The following SPECC1 variants were observed in gnomAD, a reference collection of about 807,000 sequenced individuals.
The protein encoded by SPECC1 is sperm antigen with calponin homology and coiled-coil domains 1.
SPECC1 carries 62 observed loss-of-function variants against 104.1 expected under a neutral mutation model. That is an observed-to-expected ratio of 0.60 (90% CI 0.49 to 0.74). The LOEUF (loss-of-function observed/expected upper bound fraction) is 0.74. SPECC1 is among the 30% of genes least tolerant of loss of function. The pLI, the probability that SPECC1 is intolerant of heterozygous loss-of-function variation, is 0.00. For synonymous variants in SPECC1, 513 were observed against 501.6 expected, an observed-to-expected ratio of 1.02 and a Z score of -0.30; for missense variants, 1,306 against 1,310.5, an observed-to-expected ratio of 1.00 and a Z score of 0.05.
At chr17:20,124,254 G>A (rs186210030) in intron 3 of SPECC1, among the ~76,000 whole-genome samples, 55 of 152,266 alleles carry the variant, frequency 3.6e-4, no homozygotes, top group Non-Finnish European at 7.1e-4. Flanking sequence ...GGGAACAGAC[G>A]GGGGGAAGCA....
At chr17:20,308,805 T>C (rs1388508513) in intron 14 of SPECC1, among the ~76,000 whole-genome samples, 1 of 152,148 alleles carries the variant, frequency 6.6e-6, no homozygotes, top group African/African-American at 2.4e-5. Context: ...GGGATCTCCC[T>C]TCAGAAACAA....
chr17:20,252,193 C>G (rs1176143742), intron 9 of SPECC1, among the ~76,000 whole-genome samples: 2 of 152,098 alleles, frequency 1.3e-5, no homozygotes, highest in East Asian at 3.8e-4. Context: ...ATGAAATCTA[C>G]TCTATTAACA....
At chr17:20,049,234 A>C (rs2045652667) in intron 1 of SPECC1, among the ~76,000 whole-genome samples, 2 of 152,230 alleles carry the variant, frequency 1.3e-5, no homozygotes, top group Non-Finnish European at 2.9e-5. Flanking sequence ...TGATGTTTGA[A>C]GTTTTTCAAA....
rs1358654698 is a variant in SPECC1 at position 20,317,280 on chromosome 17, T to TTTTTTTTTTTTTTTTTTG, written c.*3215_*3216insTTTTTTTTTTTTTTTTTG. ...AAAAATTTTTTTTTTTTTTTTTTTT[T>TTTTTTTTTTTTTTTTTTG]GAGAGAGCGTCTCACTTCTCTGTCA... is the stretch of plus-strand genomic sequence containing the variant. On this transcript the variant is annotated 3_prime_UTR_variant, in exon 15 of 15. Coordinates refer to ENST00000395527, the MANE Select transcript of SPECC1 (RefSeq NM_001243439.2). 6.1e-6 allele frequency: 1 copy of TTTTTTTTTTTTTTTTTTG among 163,474 alleles called. No homozygotes were observed. The allele number at this position is 163,474 out of a possible 1,614,324, so 10.1% of individuals were successfully genotyped here.
intron 4 of SPECC1, among the ~76,000 whole-genome samples, chr17:20,226,821 T>C: frequency 6.6e-6 from 1 of 152,234 alleles, no homozygotes; most frequent in Non-Finnish European, 1.5e-5. Flanking sequence ...AGAGAATCTT[T>C]AGAGTTTCCT....
At chr17:20,031,399 A>G (rs951770313) in intron 1 of SPECC1, among the ~76,000 whole-genome samples, 1 of 152,036 alleles carries the variant, frequency 6.6e-6, no homozygotes, top group Non-Finnish European at 1.5e-5. Flanking sequence ...AGCTCACTGC[A>G]ACCTCCGCCT....
At chr17:20,085,530 GT>G (rs1241246521) in intron 1 of SPECC1, among the ~76,000 whole-genome samples, 1 of 152,206 alleles carries the variant, frequency 6.6e-6, no homozygotes, top group African/African-American at 2.4e-5. Context: ...TGTGGTTCCT[GT>G]GTATATTTAA....
rs551258128 is a variant in SPECC1, at chr17:20,012,095, T to A, written c.-22+2671T>A. 7.9e-5 allele frequency among the ~76,000 whole-genome samples: 12 copies of A among 152,288 alleles called. No homozygotes were observed. In the East Asian group the frequency reaches 1.7e-3, roughly 22 times the overall value. ...TTTCAGAGTTATTTTTGTATTTTTT[T>A]ATATTTTTAAAAAGATGTTTTGTAG... On this transcript the variant is annotated intron_variant, in intron 1 of 14. Coordinates refer to ENST00000395527, the MANE Select transcript of SPECC1 (RefSeq NM_001243439.2).
chr17:20,163,342 A>G (rs2033344721), intron 3 of SPECC1, among the ~76,000 whole-genome samples: 1 of 152,142 alleles, frequency 6.6e-6, no homozygotes, highest in Non-Finnish European at 1.5e-5. Context: ...TTTAATAAGC[A>G]CTCTTTAAGA....
At chr17:20,015,007 G>A (rs1489931943) in intron 1 of SPECC1, among the ~76,000 whole-genome samples, 6 of 151,988 alleles carry the variant, frequency 3.9e-5, no homozygotes, top group East Asian at 1.9e-4. Context: ...CACCTGCCTC[G>A]GCCTCCCAAA....
intron 3 of SPECC1, among the ~76,000 whole-genome samples, chr17:20,161,083 C>T (rs892657877): frequency 2.6e-5 from 4 of 152,120 alleles, no homozygotes; most frequent in African/African-American, 4.8e-5. Flanking sequence ...CGGTGGTGGG[C>T]ACCTGTAATC....
At chr17:20,121,615 C>T (rs2049035737) in intron 3 of SPECC1, among the ~76,000 whole-genome samples, 1 of 152,226 alleles carries the variant, frequency 6.6e-6, no homozygotes, top group Non-Finnish European at 1.5e-5. Context: ...AGACATGAGC[C>T]ACTGCGCCTG....
chr17:20,024,996 C>G (rs879892482), intron 1 of SPECC1, among the ~76,000 whole-genome samples: 3 of 152,204 alleles, frequency 2.0e-5, no homozygotes, highest in African/African-American at 4.8e-5. Flanking sequence ...TCTGTGTGTT[C>G]ACAATCTCAT....
chr17:20,204,107 G>T (rs545929376), intron 3 of SPECC1, among the ~76,000 whole-genome samples: 46 of 152,320 alleles, frequency 3.0e-4, no homozygotes, highest in Non-Finnish European at 5.9e-4. Flanking sequence ...TGGGGATGGG[G>T]TCATCCTGAG....
intron 3 of SPECC1, among the ~76,000 whole-genome samples, chr17:20,169,298 T>C (rs1018658784): frequency 3.9e-5 from 6 of 152,168 alleles, no homozygotes; most frequent in Admixed American, 2.0e-4. Context: ...ATACAAACTA[T>C]CTCCTCAGAG....
chr17:20,233,084 G>A (rs2038699283), intron 7 of SPECC1, among the ~76,000 whole-genome samples: 1 of 152,172 alleles, frequency 6.6e-6, no homozygotes, highest in South Asian at 2.1e-4. Flanking sequence ...AATTTAGATG[G>A]TTTACAGACA....
chr17:20,139,469 C>T (rs564946460), intron 3 of SPECC1, among the ~76,000 whole-genome samples: 1 of 152,304 alleles, frequency 6.6e-6, no homozygotes, highest in African/African-American at 2.4e-5. Flanking sequence ...ATGGATCTTA[C>T]ATTTCATTCT....
chr17:20,207,778 A>G (rs909967846), intron 4 of SPECC1, among the ~76,000 whole-genome samples: 1 of 152,302 alleles, frequency 6.6e-6, no homozygotes, highest in East Asian at 1.9e-4. Flanking sequence ...TTGCATTGAT[A>G]TGATTATGAT....
rs2043869956 is a variant in SPECC1 at position 20,009,775 on chromosome 17, C to T, written c.-22+351C>T. 6.6e-6 allele frequency: 1 copy of T among 152,242 alleles called. No homozygotes were observed. The highest frequency in any genetic ancestry group is 1.5e-5 in the Non-Finnish European group (1 of 68,074). The allele number at this position is 152,242 out of a possible 1,614,324, so 9.4% of individuals were successfully genotyped here. A position where few individuals can be genotyped will look rare whatever the true frequency, so the allele number is the denominator to read the frequency against. ...CAGGTGGCTCCCGACAGCTGCGGCC[C>T]TGGAGGCGACCCCAGCCCTCGCCGC... On this transcript the variant is annotated intron_variant, in intron 1 of 14. Coordinates refer to ENST00000395527, the MANE Select transcript of SPECC1 (RefSeq NM_001243439.2). The surrounding 1 kb of genome is among the most constrained non-coding windows in gnomAD (Gnocchi z 5.2).
Sources: allele counts gnomAD v4.1 joint callset (sites outside exome capture counted in the v4.1 genomes callset), GRCh38; gene constraint gnomAD v4.1.1; non-coding constraint Gnocchi (gnomAD v3.1); transcripts MANE v1.5; gene names NCBI Gene and HGNC (gene_info 2026-07-23, HGNC 2026-07-21).